The following DSTYK variants were observed in gnomAD, a reference collection of about 807,000 sequenced individuals.
The protein encoded by DSTYK is RIP-homologous kinase.
DSTYK carries 34 observed loss-of-function variants against 98.7 expected under a neutral mutation model. The ratio of observed to expected loss-of-function variants is 0.34; its 90% confidence interval spans 0.26 to 0.46. DSTYK has a LOEUF of 0.46. DSTYK is among the 20% of genes least tolerant of loss of function. The probability of loss-of-function intolerance (pLI) is 1.00; values close to 1 mark genes in which losing one functional copy is unlikely to be tolerated. For synonymous variants in DSTYK, 462 were observed against 457.3 expected, an observed-to-expected ratio of 1.01 and a Z score of -0.13; for missense variants, 962 against 1,181.7, an observed-to-expected ratio of 0.81 and a Z score of 2.73.
intron 2 of DSTYK, among the ~76,000 whole-genome samples, chr1:205,177,609 G>A (rs181938273): frequency 1.3e-5 from 2 of 152,164 alleles, no homozygotes; most frequent in African/African-American, 2.4e-5. Context: ...GCTCATGCCT[G>A]TAATCCCAGC....
chr1:205,184,632 T>G (rs1658513838), intron 2 of DSTYK, among the ~76,000 whole-genome samples: 1 of 152,110 alleles, frequency 6.6e-6, no homozygotes. Flanking sequence ...TTAAAAAATT[T>G]TTTTTGAGAC....
chr1:205,154,724 C>T (rs1314088737), intron 10 of DSTYK, among the ~76,000 whole-genome samples: 2 of 152,078 alleles, frequency 1.3e-5, no homozygotes, highest in South Asian at 4.1e-4. Flanking sequence ...CAGAAGAAGA[C>T]AGGAAAATGT....
At chr1:205,162,359 A>G (rs533672872) in intron 5 of DSTYK, 147 bp from the exon 6 acceptor site, 180 of 934,004 alleles carry the variant, frequency 1.9e-4, no homozygotes, top group Non-Finnish European at 3.7e-5. Flanking sequence ...TTCCTTTCCA[A>G]TTCCATCTAC....
At chr1:205,196,063 A>G (rs1489008072) in intron 1 of DSTYK, among the ~76,000 whole-genome samples, 5 of 152,228 alleles carry the variant, frequency 3.3e-5, no homozygotes, top group Non-Finnish European at 5.9e-5. Flanking sequence ...ATATGTCAAA[A>G]GGACACAGGA....
intron 1 of DSTYK, among the ~76,000 whole-genome samples, chr1:205,201,279 T>A (rs1659029303): frequency 6.6e-6 from 1 of 152,104 alleles, no homozygotes; most frequent in Non-Finnish European, 1.5e-5. Flanking sequence ...TTTAAGGGGA[T>A]GGCTACCCCA....
At chr1:205,156,261 T>C (rs1024703756) in intron 10 of DSTYK, among the ~76,000 whole-genome samples, 1 of 152,200 alleles carries the variant, frequency 6.6e-6, no homozygotes, top group African/African-American at 2.4e-5. Flanking sequence ...AAGGCCACTG[T>C]CTTCTAGAAC....
chr1:205,195,742 T>C (rs545866361), intron 1 of DSTYK, among the ~76,000 whole-genome samples: 3 of 152,364 alleles, frequency 2.0e-5, no homozygotes, highest in East Asian at 1.9e-4. Context: ...AAGAAGCAGA[T>C]AGTATTGGCA....
chr1:205,169,548 C>A lies in DSTYK; in HGVS notation c.939G>T (p.Leu313=), dbSNP rs764294580. 5.0e-6 allele frequency: 8 copies of A among 1,614,044 alleles called. No individual in the cohort carries two copies. The highest frequency in any genetic ancestry group is 6.8e-6 in the Non-Finnish European group (8 of 1,180,044). The change falls in exon 3 of 13, where the codon CTG becomes CTT. Residue 313 remains leucine (L), a synonymous_variant. Coordinates refer to ENST00000367162, the MANE Select transcript of DSTYK (RefSeq NM_015375.3). This position sits in a 1 kb window ranked among gnomAD's most constrained non-coding sequence, Gnocchi z 4.0. ...CCCCACAGTTCCAGTGACTGCTGCT[C>A]AGATAGCCCAGGTCAATTAGCTGGC... is the stretch of plus-strand genomic sequence containing the variant. The part of the protein sequence containing the change: ...LYRQLIDLGY[L]SSSHWNCGAP...
At chr1:205,183,493 C>T (rs191539615) in intron 2 of DSTYK, among the ~76,000 whole-genome samples, 5 of 152,258 alleles carry the variant, frequency 3.3e-5, no homozygotes, top group African/African-American at 9.6e-5. Flanking sequence ...TTTAAAATAA[C>T]GTATTAGAAG....
intron 1 of DSTYK, chr1:205,202,837 T>C (rs1229239557): frequency 4.3e-6 from 2 of 463,492 alleles, no homozygotes; most frequent in African/African-American, 2.0e-5. Flanking sequence ...GCAGAGCCTA[T>C]ATTAACTGAG....
At chr1:205,168,203 G>A (rs889029550) in intron 3 of DSTYK, among the ~76,000 whole-genome samples, 3 of 152,186 alleles carry the variant, frequency 2.0e-5, no homozygotes, top group Non-Finnish European at 4.4e-5. Flanking sequence ...CCAGGAAGAA[G>A]GTGGCATCAG....
At chr1:205,152,240 T>C (rs1269917180) in intron 10 of DSTYK, among the ~76,000 whole-genome samples, 1 of 152,226 alleles carries the variant, frequency 6.6e-6, no homozygotes, top group Non-Finnish European at 1.5e-5. Context: ...TGCAATGGCA[T>C]GATCTCGGCT....
At chr1:205,148,423 G>C in intron 11 of DSTYK, 84 bp from the exon 12 acceptor site, 1 of 1,554,384 alleles carries the variant, frequency 6.4e-7, no homozygotes, top group Non-Finnish European at 8.7e-7. Context: ...GTAGAGGGTT[G>C]GCTTTTTCCA....
At chr1:205,162,801 C>T in intron 5 of DSTYK, 122 bp downstream of exon 5, 3 of 753,694 alleles carry the variant, frequency 4.0e-6, no homozygotes, top group Non-Finnish European at 6.9e-6. Flanking sequence ...GCAGGCAAAC[C>T]AGAACAAATG....
At chr1:205,175,709 G>A (rs909019276) in intron 2 of DSTYK, among the ~76,000 whole-genome samples, 1 of 152,190 alleles carries the variant, frequency 6.6e-6, no homozygotes, top group Non-Finnish European at 1.5e-5. Context: ...AATATAAAGA[G>A]GATGAGCCAG....
Position 205,144,488 on chromosome 1 carries a change from T to A in DSTYK, c.*3070A>T, listed in dbSNP as rs1385014787. On this transcript the variant is annotated 3_prime_UTR_variant, in exon 13 of 13. Coordinates refer to ENST00000367162, the MANE Select transcript of DSTYK (RefSeq NM_015375.3). ...CCCAAGTAATATACAATACAGTACA[T>A]TTCATGGCATTCCATCACTTATAAT... 2 of 152,586 alleles carry A rather than the reference T, an allele frequency of 1.3e-5. No homozygotes were observed. The highest frequency in any genetic ancestry group is 2.9e-5 in the Non-Finnish European group (2 of 68,030). 9.5% of individuals were successfully genotyped at this position (152,586 alleles called of 1,614,324 possible).
intron 1 of DSTYK, among the ~76,000 whole-genome samples, chr1:205,195,086 C>G (rs1658828026): frequency 6.6e-6 from 1 of 151,680 alleles, no homozygotes; most frequent in African/African-American, 2.4e-5. Flanking sequence ...CTCAGCCTCC[C>G]AAAGTGCTGA....
intron 7 of DSTYK, among the ~76,000 whole-genome samples, chr1:205,160,485 G>A (rs1477289438): frequency 1.3e-5 from 2 of 151,966 alleles, no homozygotes; most frequent in Non-Finnish European, 2.9e-5. Flanking sequence ...ACAGGCATAC[G>A]CCACCACGCA....
chr1:205,201,481 A>G (rs1226448813), intron 1 of DSTYK, among the ~76,000 whole-genome samples: 2 of 142,628 alleles, frequency 1.4e-5, no homozygotes, highest in Admixed American at 7.1e-5. Context: ...GTTCTTTTTT[A>G]GGGGCCCAGA....
Sources: gnomAD v4.1 joint callset for allele counts (sites outside exome capture counted in the v4.1 genomes callset) on GRCh38, gnomAD v4.1.1 for gene constraint, Gnocchi (gnomAD v3.1) non-coding constraint, MANE v1.5 for transcripts, NCBI Gene and HGNC (gene_info 2026-07-23, HGNC 2026-07-21) for gene names.